The following LTF variants were observed in gnomAD, a reference collection of about 807,000 sequenced individuals.
The protein encoded by LTF is lactotransferrin.
In LTF, 91 loss-of-function variants were observed where a neutral mutation model predicts 87.2. The observed-to-expected ratio is 1.04, with a 90% CI of 0.88 to 1.24. The LOEUF (loss-of-function observed/expected upper bound fraction) is 1.24, where lower values mean the gene tolerates loss of function less well. Ranked by LOEUF, LTF falls within the 50% of genes most tolerant of loss-of-function variation. The pLI, the probability that LTF is intolerant of heterozygous loss-of-function variation, is 0.00. For missense variants in LTF, 901 were observed against 904.3 expected (o/e 1.00, Z 0.05); for synonymous variants, 378 against 356.1 (o/e 1.06, Z -0.69).
rs374024748 is a variant in LTF, at chr3:46,448,855, C to G, written c.1212+8G>C. 1.9e-6 allele frequency: 3 copies of G among 1,611,842 alleles called. No homozygotes were observed. Among genetic ancestry groups the G allele is most frequent in the Non-Finnish European group, 2.5e-6 (3 of 1,179,370 alleles). ...CCCACCGCCCGCCCCTGTGATGGAG[C>G]TCCCTACCAGCACCAGGGCGATGCA... On this transcript the variant is annotated splice_region_variant and intron_variant, in intron 9 of 16. Transcript: ENST00000231751.
At chr3:46,436,764 C>T (rs1702395637) in intron 16 of LTF, among the ~76,000 whole-genome samples, 1 of 152,180 alleles carries the variant, frequency 6.6e-6, no homozygotes, top group Admixed American at 6.5e-5. Flanking sequence ...GAGGGTGGTC[C>T]TGACCTGCAT....
At chr3:46,462,263 A>G (rs72900268) in intron 1 of LTF, among the ~76,000 whole-genome samples, 18,194 of 152,184 alleles carry the variant, frequency 0.12, 1,305 homozygotes, top group Admixed American at 0.21. Flanking sequence ...GCAAAAATCC[A>G]AAAAGAGGAA....
intron 1 of LTF, among the ~76,000 whole-genome samples, chr3:46,463,824 A>T (rs1186054280): frequency 6.6e-6 from 1 of 152,194 alleles, no homozygotes; most frequent in East Asian, 1.9e-4. Context: ...CTTAGAGAAG[A>T]GAAGGATGAC....
In LTF at chr3:46,438,618, G is replaced by A. The variant is rs146336851; in HGVS notation, c.1909-489C>T. Among the ~76,000 whole-genome samples the A allele has an allele frequency of 1.6e-3, 237 of 152,260 alleles. 2 individuals carry two copies. Among genetic ancestry groups the A allele is most frequent in the African/African-American group, 5.6e-3 (233 of 41,552 alleles). ...TGCTCTGTCCCAGGCTCCCATGTGGGGAGACTGAGACCCAAACCCCTCAGT... is the reference window on the plus strand; with the variant it reads ...TGCTCTGTCCCAGGCTCCCATGTGGAGAGACTGAGACCCAAACCCCTCAGT... On this transcript the variant is annotated intron_variant, in intron 15 of 16. Transcript: ENST00000231751.
chr3:46,442,916 G>T (rs1311181255), intron 13 of LTF, among the ~76,000 whole-genome samples: 1 of 152,100 alleles, frequency 6.6e-6, no homozygotes, highest in Non-Finnish European at 1.5e-5. Flanking sequence ...GTCACTAAGT[G>T]GTTATAACTT....
intron 6 of LTF, chr3:46,454,091 T>A: frequency 1.8e-6 from 1 of 566,848 alleles, no homozygotes; most frequent in Admixed American, 3.0e-5. Context: ...TAGGCATGGG[T>A]GTCTATGAGG....
chr3:46,462,539 C>T (rs902239473), intron 1 of LTF, among the ~76,000 whole-genome samples: 2 of 152,120 alleles, frequency 1.3e-5, no homozygotes, highest in Admixed American at 6.5e-5. Context: ...GGCTAGCCTG[C>T]CTATTTAGGT....
intron 9 of LTF, among the ~76,000 whole-genome samples, chr3:46,448,442 A>T (rs891186275): frequency 3.3e-5 from 5 of 152,194 alleles, no homozygotes; most frequent in African/African-American, 1.2e-4. Context: ...CTGTTTAGTG[A>T]AAAGGGCTTA....
chr3:46,449,034 C>A lies in LTF; in HGVS notation c.1058-17G>T. ...CCTCCTCACCTGCCAGAGGGAAGAC[C>A]GCAGGTGGCTGGGCAACCTGAGCTT... On this transcript the variant is annotated splice_polypyrimidine_tract_variant and intron_variant, in intron 8 of 16. Transcript: ENST00000231751. 2 of 1,595,350 alleles carry A rather than the reference C, an allele frequency of 1.3e-6. No homozygotes were observed. Among genetic ancestry groups the A allele is most frequent in the Non-Finnish European group, 1.7e-6 (2 of 1,172,196 alleles).
intron 5 of LTF, 92 bp downstream of exon 5, chr3:46,455,203 G>A (rs950168015): frequency 4.7e-6 from 7 of 1,498,834 alleles, no homozygotes; most frequent in African/African-American, 1.4e-5. Flanking sequence ...CCCAAGAGCA[G>A]GCTGGGCTCT....
intron 14 of LTF, among the ~76,000 whole-genome samples, chr3:46,440,153 G>A (rs1285841677): frequency 1.3e-5 from 2 of 152,172 alleles, no homozygotes; most frequent in African/African-American, 4.8e-5. Context: ...CTTTGCATGG[G>A]TGGATTTTTT....
intron 6 of LTF, among the ~76,000 whole-genome samples, chr3:46,452,740 G>A (rs1702833554): frequency 6.6e-6 from 1 of 152,212 alleles, no homozygotes; most frequent in Admixed American, 6.5e-5. Context: ...ACTTGGTGTA[G>A]AATTGGCTTC....
chr3:46,455,481 A>T, intron 4 of LTF, 39 bp from the exon 5 acceptor site: 1 of 1,613,188 alleles, frequency 6.2e-7, no homozygotes. Context: ...AGTGTGAGCC[A>T]GCCCTGGTCA....
intron 11 of LTF, 79 bp downstream of exon 11, chr3:46,446,361 T>C: frequency 8.1e-7 from 1 of 1,234,194 alleles, no homozygotes; most frequent in South Asian, 1.3e-5. Flanking sequence ...TCTTTCTGTT[T>C]TTTTTACAGT....
rs71327070 is a variant in LTF at position 46,482,545 on chromosome 3, G to A, written c.-320+2441C>T. ...GAAGGGAAGGGAAGGGAAGGGAAGG[G>A]AAGGGAAGGGAAGGGAAGGGAAGGG... On this transcript the variant is annotated intron_variant, in intron 1 of 19. Coordinates refer to the LTF transcript ENST00000443496. Among the ~76,000 whole-genome samples, 80 of 96,964 alleles carry A rather than the reference G, an allele frequency of 8.3e-4. 5 individuals carry two copies. Among genetic ancestry groups the A allele is most frequent in the South Asian group, 2.9e-3 (7 of 2,426 alleles). The allele number at this position is 96,964 out of a possible 152,430, so 63.6% of individuals were successfully genotyped here. A position where few individuals can be genotyped will look rare whatever the true frequency, so the allele number is the denominator to read the frequency against.
intron 1 of LTF, chr3:46,463,378 A>G (rs1386998537): frequency 6.2e-6 from 5 of 808,356 alleles, no homozygotes; most frequent in Non-Finnish European, 7.5e-6. Context: ...CCATGGCTCC[A>G]GGGCTAAGCA....
At chr3:46,447,262 C>A in intron 10 of LTF, 46 bp downstream of exon 10, 1 of 1,437,186 alleles carries the variant, frequency 7.0e-7, no homozygotes, top group South Asian at 1.1e-5. Flanking sequence ...TAGCCCCACT[C>A]CCATGACCCA....
chr3:46,438,139 A>T lies in LTF; in HGVS notation c.1909-10T>A, dbSNP rs1167068362. On this transcript the variant is annotated splice_polypyrimidine_tract_variant and intron_variant, in intron 15 of 16. Coordinates refer to ENST00000231751, the MANE Select transcript of LTF (RefSeq NM_002343.6). ...TTCTCCCAAATTTAGCCTGCGACAA[A>T]AGGGCAGACAGTGAGTAGCTAAGGA... The T allele has an allele frequency of 2.5e-6, 4 of 1,611,550 alleles. No homozygotes were observed. The highest frequency in any genetic ancestry group is 3.4e-6 in the Non-Finnish European group (4 of 1,178,258).
At chr3:46,467,603 G>C (rs1430970987), upstream of LTF, among the ~76,000 whole-genome samples, 1 of 151,476 alleles carries the variant, frequency 6.6e-6, no homozygotes, top group Non-Finnish European at 1.5e-5. Flanking sequence ...GTTCCCTCTG[G>C]CTTTCTGGCC....
Sources: allele counts gnomAD v4.1 joint callset (sites outside exome capture counted in the v4.1 genomes callset), GRCh38; gene constraint gnomAD v4.1.1; transcripts MANE v1.5; gene names NCBI Gene and HGNC (gene_info 2026-07-23, HGNC 2026-07-21).